The following GTPBP1 variants were observed in gnomAD, a reference collection of about 807,000 sequenced individuals.
The protein encoded by GTPBP1 is GTP-binding protein 1.
Under a neutral mutation model 62.0 loss-of-function variants are expected in GTPBP1, and 23 were observed. The ratio of observed to expected loss-of-function variants is 0.37; its 90% CI spans 0.27 to 0.53. GTPBP1 has a LOEUF of 0.53. Among genes scored for constraint, GTPBP1 ranks in the 20% least tolerant of loss-of-function variants. The pLI, the probability that GTPBP1 is intolerant of heterozygous loss-of-function variation, is 0.89. For synonymous variants in GTPBP1, 344 were observed against 364.4 expected (o/e 0.94, Z 0.64); for missense variants, 640 against 917.3 (o/e 0.70, Z 3.90).
Position 38,716,647 on chromosome 22 carries a change from C to T in GTPBP1, c.486-5C>T, listed in dbSNP as rs559107100. 24 of 1,603,314 alleles carry T rather than the reference C, an allele frequency of 1.5e-5. No homozygotes were observed. The highest frequency in any genetic ancestry group is 5.1e-5 in the Admixed American group (3 of 59,046). On this transcript the variant is annotated splice_polypyrimidine_tract_variant and splice_region_variant and intron_variant, in intron 3 of 11. Coordinates refer to ENST00000216044, the MANE Select transcript of GTPBP1 (RefSeq NM_004286.5). This position sits in a 1 kb window ranked among gnomAD's most constrained non-coding sequence, Gnocchi z 5.2. Reference sequence around the variant, plus strand: ...ACATAGATGTATGGGTTCATCTACACGCAGGGTAGCAGTGGTGGGCAACGT... The same window carrying T: ...ACATAGATGTATGGGTTCATCTACATGCAGGGTAGCAGTGGTGGGCAACGT...
chr22:38,741,899 G>C (rs2092861197), downstream of GTPBP1, among the ~76,000 whole-genome samples: 1 of 152,246 alleles, frequency 6.6e-6, no homozygotes, highest in Non-Finnish European at 1.5e-5. Context: ...CCAGGACTTT[G>C]GGAGGCCAAG....
chr22:38,737,885 C>T (rs1014073163), downstream of GTPBP1: 26 of 622,934 alleles, frequency 4.2e-5, no homozygotes, highest in East Asian at 1.4e-4. The surrounding 1 kb of genome is among the most constrained non-coding windows in gnomAD (Gnocchi z 4.1). Context: ...ACGCCTCTCC[C>T]GGCCTTCCTT....
chr22:38,739,550 G>A (rs2092836529), downstream of GTPBP1: 1 of 1,302,962 alleles, frequency 7.7e-7, no homozygotes, highest in Non-Finnish European at 1.1e-6. The surrounding 1 kb of genome is among the most constrained non-coding windows in gnomAD (Gnocchi z 6.7). Context: ...CTGGTGCCCA[G>A]GCAGATGTGG....
chr22:38,706,243 G>A, intron 1 of GTPBP1, 96 bp downstream of exon 1: 1 of 797,718 alleles, frequency 1.3e-6, no homozygotes, highest in Non-Finnish European at 1.7e-6. Context: ...CCCTGTCCGC[G>A]GGGAGCGCGG....
At chr22:38,736,359 G>T (rs1439214447), downstream of GTPBP1, 3 of 1,613,844 alleles carry the variant, frequency 1.9e-6, no homozygotes, top group Middle Eastern at 1.7e-4. Context: ...TCCACCACCT[G>T]GTACGTGGCC....
intron 5 of GTPBP1, among the ~76,000 whole-genome samples, chr22:38,722,159 A>G (rs753006787): frequency 6.6e-6 from 1 of 152,322 alleles, no homozygotes; most frequent in Non-Finnish European, 1.5e-5. Context: ...CTAATGAATA[A>G]AATAAGTAAA....
downstream of GTPBP1, among the ~76,000 whole-genome samples, chr22:38,741,285 A>T (rs1325407432): frequency 1.3e-5 from 2 of 152,204 alleles, no homozygotes; most frequent in Admixed American, 6.5e-5. Context: ...CCAGCATGAC[A>T]GGCCGCTGTG....
In GTPBP1 at chr22:38,726,209, G is replaced by T. The variant is rs751431442; in HGVS notation, c.1219-49G>T. On this transcript the variant is annotated intron_variant, in intron 7 of 11. Coordinates refer to ENST00000216044, the MANE Select transcript of GTPBP1 (RefSeq NM_004286.5). This position sits in a 1 kb window ranked among gnomAD's most constrained non-coding sequence, Gnocchi z 4.1. Reference sequence around the variant, plus strand: ...CTTCCTACAGTGGCATCAGGGGGTGGGTCTGTGCTGGGGATGCACTTATGA... The same window carrying T: ...CTTCCTACAGTGGCATCAGGGGGTGTGTCTGTGCTGGGGATGCACTTATGA... 6.2e-7 allele frequency: 1 copy of T among 1,610,398 alleles called. No homozygotes were observed. Among genetic ancestry groups the T allele is most frequent in the Non-Finnish European group, 8.5e-7 (1 of 1,177,046 alleles).
chr22:38,711,451 A>G (rs2092639021), intron 2 of GTPBP1, among the ~76,000 whole-genome samples: 1 of 152,228 alleles, frequency 6.6e-6, no homozygotes, highest in Non-Finnish European at 1.5e-5. Context: ...TGAGAATTCA[A>G]GGAAATCATC....
In GTPBP1 at chr22:38,709,743, C is replaced by T. The variant is rs535447876; in HGVS notation, c.304+787C>T. ...AATTCCTCTCTTGTCAGGCTCCTTG[C>T]CCCAGACCCTACTGACTATTTAGTC... On this transcript the variant is annotated intron_variant, in intron 2 of 11. Coordinates refer to ENST00000216044, the MANE Select transcript of GTPBP1 (RefSeq NM_004286.5). 7.2e-5 allele frequency among the ~76,000 whole-genome samples: 11 copies of T among 152,190 alleles called. No homozygotes were observed. In the South Asian group the frequency reaches 1.9e-3, roughly 26 times the overall value.
chr22:38,707,787 A>G (rs995693158), intron 1 of GTPBP1, among the ~76,000 whole-genome samples: 3 of 152,220 alleles, frequency 2.0e-5, no homozygotes, highest in Non-Finnish European at 4.4e-5. Flanking sequence ...AAAAAAAATC[A>G]TATGTATATT....
chr22:38,728,380 G>A (rs1217177249), intron 10 of GTPBP1: 3 of 543,978 alleles, frequency 5.5e-6, no homozygotes, highest in Non-Finnish European at 9.9e-6. Context: ...TAGGGTTAGG[G>A]TATGATCTTC....
Position 38,706,126 on chromosome 22 carries a change from A to G in GTPBP1, c.171A>G (p.Pro57=). Residue 57 remains proline (P), a synonymous_variant, in exon 1 of 12, where the codon CCA becomes CCG. Transcript: ENST00000216044. ...SEDGEALNGE[P]ELDLTSKLVL... The stretch of plus-strand genomic sequence containing the variant: ...ACGGCGAGGCGCTCAACGGCGAGCC[A>G]GAGCTGGACCTCACCAGCAAGGTAG... The G allele has an allele frequency of 7.7e-7, 1 of 1,291,082 alleles. No individual in the cohort carries two copies. Among genetic ancestry groups the G allele is most frequent in the Non-Finnish European group, 9.8e-7 (1 of 1,017,984 alleles). 80.0% of individuals were successfully genotyped at this position (1,291,082 alleles called of 1,614,324 possible).
downstream of GTPBP1, chr22:38,741,572 C>G: frequency 6.2e-7 from 1 of 1,613,990 alleles, no homozygotes; most frequent in Non-Finnish European, 8.5e-7. Flanking sequence ...ACAGTTCTTC[C>G]TGTGAGACGG....
At position 38,727,895 on chromosome 22, in the gene GTPBP1, C is replaced by T. The variant is rs1041005694; in HGVS notation, c.1538-88C>T. On this transcript the variant is annotated intron_variant, in intron 9 of 11. Transcript: ENST00000216044. This position sits in a 1 kb window ranked among gnomAD's most constrained non-coding sequence, Gnocchi z 6.5. Reference sequence around the variant, plus strand: ...AGCCCCCACCCTTCCACAGCTTAAGCGTATTTCATGCTTTCACTCACTGCC... The same window carrying T: ...AGCCCCCACCCTTCCACAGCTTAAGTGTATTTCATGCTTTCACTCACTGCC... 22 of 863,686 alleles carry T rather than the reference C, an allele frequency of 2.5e-5. No individual in the cohort carries two copies. Among genetic ancestry groups the T allele is most frequent in the Non-Finnish European group, 3.6e-5 (19 of 523,688 alleles). The allele number at this position is 863,686 out of a possible 1,614,324, so 53.5% of individuals were successfully genotyped here.
chr22:38,724,397 C>T lies in GTPBP1; in HGVS notation c.1059C>T (p.Asn353=), dbSNP rs750930712. The part of the protein sequence containing the change: ...SKDDVIVTAS[N]FSSERMCPIF... Reference sequence around the variant, plus strand: ...ATGATGTGATTGTCACAGCCTCCAACTTCAGCTCTGAAAGGTAACGCGTGG... The same window carrying T: ...ATGATGTGATTGTCACAGCCTCCAATTTCAGCTCTGAAAGGTAACGCGTGG... The change falls in exon 6 of 12, where the codon AAC becomes AAT. Residue 353 remains asparagine, a synonymous_variant. Coordinates refer to ENST00000216044, the MANE Select transcript of GTPBP1 (RefSeq NM_004286.5). 4.4e-6 allele frequency: 7 copies of T among 1,605,276 alleles called. No individual in the cohort carries two copies. In the South Asian group the frequency reaches 7.7e-5, roughly 18 times the overall value.
In GTPBP1 at chr22:38,730,656, C is replaced by T. The variant is rs1378171957; in HGVS notation, c.1962C>T (p.His654=). ...GCCGGCGACGAGGGGGCCAGCGCCA[C>T]AAGGTGAAGTCCCAGGGGGCCTGTG... ...SGGRRRGGQR[H]KVKSQGACVT... The change falls in exon 12 of 12, where the codon CAC becomes CAT. Residue 654 remains histidine (H), a synonymous_variant. Coordinates refer to ENST00000216044, the MANE Select transcript of GTPBP1 (RefSeq NM_004286.5). The surrounding 1 kb of genome is among the most constrained non-coding windows in gnomAD (Gnocchi z 5.6). 6.2e-7 allele frequency: 1 copy of T among 1,606,150 alleles called. No individual in the cohort carries two copies. The highest frequency in any genetic ancestry group is 1.1e-5 in the South Asian group (1 of 91,022).
downstream of GTPBP1, chr22:38,742,618 C>A: frequency 6.5e-7 from 1 of 1,543,378 alleles, no homozygotes; most frequent in Non-Finnish European, 8.8e-7. Flanking sequence ...TTCCCAAAGA[C>A]CACCCCGACA....
chr22:38,729,896 A>G (rs1449456560), intron 11 of GTPBP1, among the ~76,000 whole-genome samples: 4 of 152,242 alleles, frequency 2.6e-5, no homozygotes, highest in African/African-American at 7.2e-5. Context: ...CCTAACTAGC[A>G]TTTGGTTTTA....
Sources: allele counts gnomAD v4.1 joint callset (sites outside exome capture counted in the v4.1 genomes callset), GRCh38; gene constraint gnomAD v4.1.1; non-coding constraint Gnocchi (gnomAD v3.1); transcripts MANE v1.5; gene names NCBI Gene and HGNC (gene_info 2026-07-23, HGNC 2026-07-21).